The following KHDRBS2 variants were observed in gnomAD, a reference collection of about 807,000 sequenced individuals.
KHDRBS2 encodes the protein KH RNA binding domain containing, signal transduction associated 2.
In KHDRBS2, 26 loss-of-function variants were observed where a neutral mutation model predicts 44.3. That is an observed-to-expected ratio of 0.59 (90% CI 0.43 to 0.81). The LOEUF is 0.81. KHDRBS2 is among the 40% of genes least tolerant of loss of function. The pLI, the probability that KHDRBS2 is intolerant of heterozygous loss-of-function variation, is 0.00. For missense variants in KHDRBS2, 476 were observed against 433.1 expected (o/e 1.10, Z -0.88); for synonymous variants, 194 against 151.1 (o/e 1.28, Z -2.08).
At chr6:62,088,991 T>A (rs208974) in intron 2 of KHDRBS2, among the ~76,000 whole-genome samples, 4 of 152,240 alleles carry the variant, frequency 2.6e-5, no homozygotes, top group Non-Finnish European at 5.9e-5. Context: ...CCACCCAGTG[T>A]GAACTTCCAG....
At chr6:61,977,130 C>G (rs1772838516) in intron 4 of KHDRBS2, among the ~76,000 whole-genome samples, 1 of 152,168 alleles carries the variant, frequency 6.6e-6, no homozygotes, top group African/African-American at 2.4e-5. Flanking sequence ...AAAATCACTG[C>G]CAATCAATGA....
chr6:62,124,014 GT>G (rs1438022414), intron 2 of KHDRBS2, among the ~76,000 whole-genome samples: 1 of 152,072 alleles, frequency 6.6e-6, no homozygotes, highest in African/African-American at 2.4e-5. Flanking sequence ...CCTTTTCATT[GT>G]ATATGTTTAA....
At chr6:61,701,862 G>C (rs1294704450) in intron 7 of KHDRBS2, among the ~76,000 whole-genome samples, 1 of 151,906 alleles carries the variant, frequency 6.6e-6, no homozygotes, top group Non-Finnish European at 1.5e-5. Context: ...TACATTGTGT[G>C]TTTTGTATGG....
chr6:61,677,818 C>G (rs772522493), downstream of KHDRBS2, among the ~76,000 whole-genome samples: 3 of 151,832 alleles, frequency 2.0e-5, no homozygotes, highest in Non-Finnish European at 4.4e-5. Flanking sequence ...TTTCCAGCTG[C>G]ACAAACTGAG....
At chr6:61,752,671 C>CAAAAAA (rs56410130) in intron 6 of KHDRBS2, among the ~76,000 whole-genome samples, 14 of 111,288 alleles carry the variant, frequency 1.3e-4, no homozygotes, top group Middle Eastern at 6.0e-3. Context: ...TTGTGGTATA[C>CAAAAAA]AAAAAAAAAA....
intron 6 of KHDRBS2, among the ~76,000 whole-genome samples, chr6:61,807,797 C>A (rs1787407138): frequency 6.6e-6 from 1 of 151,988 alleles, no homozygotes; most frequent in Admixed American, 6.6e-5. Flanking sequence ...TGTAACAAAG[C>A]TGCACATGTA....
chr6:62,076,349 T>C (rs1411176162), intron 2 of KHDRBS2, among the ~76,000 whole-genome samples: 1 of 152,012 alleles, frequency 6.6e-6, no homozygotes, highest in Admixed American at 6.6e-5. Context: ...TAAATTATAA[T>C]TAATACAAAG....
intron 6 of KHDRBS2, among the ~76,000 whole-genome samples, chr6:61,822,232 C>G (rs1274294165): frequency 2.0e-5 from 3 of 151,920 alleles, no homozygotes; most frequent in Non-Finnish European, 4.4e-5. Flanking sequence ...AAACGAAGTT[C>G]ATCTTCTTTT....
At chr6:61,808,059 T>G (rs889083583) in intron 6 of KHDRBS2, among the ~76,000 whole-genome samples, 1 of 152,102 alleles carries the variant, frequency 6.6e-6, no homozygotes, top group African/African-American at 2.4e-5. Flanking sequence ...ATCTTATTGC[T>G]CAATGGGCAT....
At chr6:61,552,549 G>C in the KHDRBS2 span, among the ~76,000 whole-genome samples, 10 of 152,218 alleles carry the variant, frequency 6.6e-5, no homozygotes, top group East Asian at 1.9e-3. Flanking sequence ...ACTAGGAGTG[G>C]TGAAAATGGG....
chr6:61,566,137 T>C, the KHDRBS2 span, among the ~76,000 whole-genome samples: 4 of 151,928 alleles, frequency 2.6e-5, no homozygotes, highest in African/African-American at 9.7e-5. Context: ...AAGCCAGACA[T>C]AGAAAGACAA....
chr6:61,717,459 A>G (rs1157003127), intron 7 of KHDRBS2, among the ~76,000 whole-genome samples: 2 of 152,132 alleles, frequency 1.3e-5, no homozygotes, highest in Non-Finnish European at 2.9e-5. Context: ...TGTAGATGGC[A>G]GGAACATACA....
In KHDRBS2 at chr6:62,025,473, A is replaced by G. The variant is rs142509694; in HGVS notation, c.336+22405T>C. Among the ~76,000 whole-genome samples the G allele has an allele frequency of 7.3e-3, 1,105 of 151,936 alleles. 13 individuals carry two copies. Among genetic ancestry groups the G allele is most frequent in the African/African-American group, 0.026 (1,069 of 41,540 alleles). ...TTTTCATATAAAAATATTCTTCTAC[A>G]TATGTACATTTTAAAAAAGTGTATC... On this transcript the variant is annotated intron_variant, in intron 3 of 8. Coordinates refer to ENST00000281156, the MANE Select transcript of KHDRBS2 (RefSeq NM_152688.4).
chr6:62,152,888 T>C (rs946520816), intron 2 of KHDRBS2, among the ~76,000 whole-genome samples: 2 of 152,186 alleles, frequency 1.3e-5, no homozygotes, highest in Non-Finnish European at 2.9e-5. Flanking sequence ...ATTAATACCT[T>C]GAGCCTGTTA....
At chr6:61,856,799 G>C (rs951277741) in intron 6 of KHDRBS2, among the ~76,000 whole-genome samples, 1 of 152,002 alleles carries the variant, frequency 6.6e-6, no homozygotes, top group African/African-American at 2.4e-5. Flanking sequence ...AGACTGGCAG[G>C]CACTTAAAGA....
At chr6:61,933,257 G>C (rs1454437270) in intron 4 of KHDRBS2, among the ~76,000 whole-genome samples, 1 of 152,104 alleles carries the variant, frequency 6.6e-6, no homozygotes, top group Non-Finnish European at 1.5e-5. Flanking sequence ...AGAACAGTCA[G>C]GGGGAAATCT....
intron 4 of KHDRBS2, among the ~76,000 whole-genome samples, chr6:61,926,816 C>A (rs1407846560): frequency 1.9e-5 from 2 of 102,874 alleles, no homozygotes; most frequent in African/African-American, 7.0e-5. Flanking sequence ...GAGGATATCA[C>A]CCAGAAACTT....
intron 1 of KHDRBS2, among the ~76,000 whole-genome samples, chr6:62,231,303 A>G (rs1832857632): frequency 6.6e-6 from 1 of 152,202 alleles, no homozygotes; most frequent in Non-Finnish European, 1.5e-5. Context: ...GAGACTTACA[A>G]TCATGGCAGA....
intron 3 of KHDRBS2, among the ~76,000 whole-genome samples, chr6:62,045,879 T>G (rs1787556904): frequency 6.6e-6 from 1 of 151,612 alleles, no homozygotes; most frequent in African/African-American, 2.4e-5. Context: ...ATGCCTGTGA[T>G]TTTATTTCAG....
Sources: gnomAD v4.1 joint callset for allele counts (sites outside exome capture counted in the v4.1 genomes callset) on GRCh38, gnomAD v4.1.1 for gene constraint, MANE v1.5 for transcripts, NCBI Gene and HGNC (gene_info 2026-07-23, HGNC 2026-07-21) for gene names.